Variants in CALN1 observed in about 807,000 individuals in gnomAD.
CALN1 encodes the protein calneuron 1, also known as calcium-binding protein 8.
CALN1 carries 17 observed loss-of-function variants against 30.6 expected under a neutral mutation model. That is an observed-to-expected ratio of 0.56 (90% confidence interval 0.38 to 0.83). The LOEUF (loss-of-function observed/expected upper bound fraction) is 0.83, where lower values mean the gene tolerates loss of function less well. Ranked by LOEUF, CALN1 falls within the 40% of genes least tolerant of loss-of-function variation. CALN1 has a pLI of 0.00. For synonymous variants in CALN1, 156 were observed against 131.4 expected, an observed-to-expected ratio of 1.19 and a Z score of -1.28; for missense variants, 291 against 354.9, an observed-to-expected ratio of 0.82 and a Z score of 1.45.
intron 5 of CALN1, among the ~76,000 whole-genome samples, chr7:71,851,039 C>T (rs1790608448): frequency 6.6e-6 from 1 of 152,006 alleles, no homozygotes; most frequent in Non-Finnish European, 1.5e-5. Flanking sequence ...ATAGCCAGAC[C>T]TCCTTTCTAT....
chr7:72,272,629 G>A (rs1227611492), intron 3 of CALN1, among the ~76,000 whole-genome samples: 1 of 152,074 alleles, frequency 6.6e-6, no homozygotes. Context: ...GAGAGGCTGG[G>A]AATTTTTGCT....
At chr7:72,380,259 A>G (rs368312991) in intron 2 of CALN1, among the ~76,000 whole-genome samples, 8 of 152,284 alleles carry the variant, frequency 5.3e-5, no homozygotes, top group East Asian at 3.9e-4. Flanking sequence ...AAGAGTAAAC[A>G]TGGGGCCTAT....
chr7:72,431,463 G>C (rs1314661962), intron 1 of CALN1, among the ~76,000 whole-genome samples: 4 of 152,088 alleles, frequency 2.6e-5, no homozygotes, highest in Non-Finnish European at 4.4e-5. Flanking sequence ...CACTGCAGCA[G>C]CCTCTATTGC....
intron 5 of CALN1, among the ~76,000 whole-genome samples, chr7:71,893,670 G>C (rs1035829146): frequency 6.6e-6 from 1 of 151,224 alleles, no homozygotes; most frequent in South Asian, 2.1e-4. Context: ...TAGCCTGGGC[G>C]ACAGAGCAAG....
chr7:72,304,204 G>T (rs997155382), intron 2 of CALN1, among the ~76,000 whole-genome samples: 1 of 152,354 alleles, frequency 6.6e-6, no homozygotes, highest in Non-Finnish European at 1.5e-5. Context: ...AAGCAATAAA[G>T]CTATTCAATT....
upstream of CALN1, among the ~76,000 whole-genome samples, chr7:72,415,611 A>G (rs1408016967): frequency 6.6e-6 from 1 of 152,230 alleles, no homozygotes; most frequent in Non-Finnish European, 1.5e-5. Context: ...GAAATAACAA[A>G]CACACAAGTA....
chr7:72,159,845 AAAG>A (rs1172291554), intron 3 of CALN1, among the ~76,000 whole-genome samples: 6 of 152,166 alleles, frequency 3.9e-5, no homozygotes, highest in African/African-American at 1.2e-4. Context: ...AAATATTTAG[AAAG>A]AAGAATTGAC....
intron 6 of CALN1, among the ~76,000 whole-genome samples, chr7:71,800,079 G>C (rs542637629): frequency 1.3e-5 from 2 of 152,214 alleles, no homozygotes; most frequent in Non-Finnish European, 2.9e-5. Flanking sequence ...TGATGGGGCA[G>C]GTCTCTCCAT....
intron 3 of CALN1, among the ~76,000 whole-genome samples, chr7:72,256,604 A>ATTT (rs10642125): frequency 1.2e-4 from 18 of 151,096 alleles, no homozygotes; most frequent in Non-Finnish European, 1.9e-4. Flanking sequence ...TCAATCAATT[A>ATTT]TTTTTTTTTC....
intron 3 of CALN1, among the ~76,000 whole-genome samples, chr7:72,111,093 T>A (rs1338684690): frequency 6.6e-6 from 1 of 152,208 alleles, no homozygotes; most frequent in Non-Finnish European, 1.5e-5. Context: ...GCACGCTGTA[T>A]CTTTGGTCTT....
At chr7:72,038,163 C>CCGAGTCT (rs1236017393) in intron 4 of CALN1, among the ~76,000 whole-genome samples, 1 of 151,802 alleles carries the variant, frequency 6.6e-6, no homozygotes, top group Non-Finnish European at 1.5e-5. Flanking sequence ...TTTTATTTAA[C>CCGAGTCT]CGAGTCTCGC....
At chr7:72,393,877 G>A (rs2129561578) in intron 2 of CALN1, among the ~76,000 whole-genome samples, 1 of 152,034 alleles carries the variant, frequency 6.6e-6, no homozygotes, top group Non-Finnish European at 1.5e-5. Context: ...AGCATCCTGA[G>A]TAGCTAGGAT....
chr7:72,180,263 GT>G (rs746419853), intron 3 of CALN1, among the ~76,000 whole-genome samples: 1 of 152,208 alleles, frequency 6.6e-6, no homozygotes, highest in Non-Finnish European at 1.5e-5. Flanking sequence ...ATGGGATGCT[GT>G]GAGCTTCAGG....
chr7:72,170,526 G>T (rs774243261), intron 3 of CALN1, among the ~76,000 whole-genome samples: 1 of 152,128 alleles, frequency 6.6e-6, no homozygotes, highest in Non-Finnish European at 1.5e-5. Flanking sequence ...GGTTAAAGTC[G>T]CAGGAATTTC....
intron 2 of CALN1, among the ~76,000 whole-genome samples, chr7:72,298,794 T>G (rs1371914322): frequency 9.3e-5 from 9 of 96,998 alleles, no homozygotes; most frequent in Non-Finnish European, 2.1e-4. Flanking sequence ...TCAAGAGATC[T>G]GATGGTTTTA....
At chr7:72,408,270 TAAAAA>T (rs34402288) in intron 1 of CALN1, among the ~76,000 whole-genome samples, 1 of 129,444 alleles carries the variant, frequency 7.7e-6, no homozygotes. Flanking sequence ...CCATCTCTAT[TAAAAA>T]AAAAAAAAAA....
chr7:72,032,856 C>T (rs1801550705), intron 4 of CALN1, among the ~76,000 whole-genome samples: 1 of 152,120 alleles, frequency 6.6e-6, no homozygotes, highest in Admixed American at 6.5e-5. Flanking sequence ...GTCTGATGAA[C>T]AAAACCTGTT....
intron 4 of CALN1, among the ~76,000 whole-genome samples, chr7:72,035,385 A>G (rs1379563061): frequency 9.7e-6 from 1 of 102,748 alleles, no homozygotes; most frequent in Non-Finnish European, 1.9e-5. Context: ...TGTCTGGCTT[A>G]TTTCATGCAT....
intron 2 of CALN1, among the ~76,000 whole-genome samples, chr7:72,311,078 TC>T (rs1228190837): frequency 6.6e-6 from 1 of 152,028 alleles, no homozygotes; most frequent in Non-Finnish European, 1.5e-5. Flanking sequence ...CTCCACCTCT[TC>T]CGACTCTGCC....
Sources: gnomAD v4.1 joint callset for allele counts (sites outside exome capture counted in the v4.1 genomes callset) on GRCh38, gnomAD v4.1.1 for gene constraint, MANE v1.5 for transcripts, NCBI Gene and HGNC (gene_info 2026-07-23, HGNC 2026-07-21) for gene names.